The following TAFA5 variants were observed in gnomAD, a reference collection of about 807,000 sequenced individuals.
TAFA5 encodes the protein TAFA chemokine like family member 5.
A neutral mutation model predicts 15.3 loss-of-function variants in TAFA5; 6 were observed. The observed-to-expected ratio is 0.39, with a 90% CI of 0.21 to 0.77. The LOEUF is 0.77. Among genes scored for constraint, TAFA5 ranks in the 30% least tolerant of loss-of-function variants. The pLI is 0.41. For missense variants in TAFA5, 161 were observed against 193.1 expected (o/e 0.83, Z 0.98); for synonymous variants, 103 against 80.7 (o/e 1.28, Z -1.48).
chr22:48,606,563 T>C (rs770023108), intron 1 of TAFA5, among the ~76,000 whole-genome samples: 70 of 152,234 alleles, frequency 4.6e-4, no homozygotes, highest in Non-Finnish European at 8.4e-4. Flanking sequence ...GGTGGGATTA[T>C]CTGTGGAACT....
At chr22:48,612,534 A>C (rs73427966) in intron 1 of TAFA5, among the ~76,000 whole-genome samples, 13,703 of 151,636 alleles carry the variant, frequency 0.09, 2,094 homozygotes, top group African/African-American at 0.31. Flanking sequence ...CAGCCCTCCC[A>C]TCCAGTGGGC....
intron 1 of TAFA5, chr22:48,576,197 T>G: frequency 8.8e-6 from 2 of 225,998 alleles, no homozygotes; most frequent in East Asian, 1.2e-4. Flanking sequence ...GGCCGAGTGG[T>G]CGGAGCGGCG....
chr22:48,713,252 C>T (rs928413716), intron 3 of TAFA5, among the ~76,000 whole-genome samples: 1 of 152,160 alleles, frequency 6.6e-6, no homozygotes, highest in African/African-American at 2.4e-5. Flanking sequence ...GCCCATTTGC[C>T]CAACGTGAGA....
intron 1 of TAFA5, among the ~76,000 whole-genome samples, chr22:48,615,930 T>C (rs1287428198): frequency 6.6e-6 from 1 of 152,166 alleles, no homozygotes; most frequent in Non-Finnish European, 1.5e-5. Flanking sequence ...GGCTTTGCCC[T>C]AGTTTGTGCA....
At chr22:48,558,127 A>C (rs1467653057) in intron 1 of TAFA5, among the ~76,000 whole-genome samples, 3 of 152,106 alleles carry the variant, frequency 2.0e-5, no homozygotes, top group Admixed American at 2.0e-4. Flanking sequence ...CCAGATGGAG[A>C]GCAAGCCGGG....
chr22:48,643,731 A>G (rs1027600430), intron 1 of TAFA5, among the ~76,000 whole-genome samples: 3 of 152,162 alleles, frequency 2.0e-5, no homozygotes, highest in African/African-American at 7.2e-5. Context: ...GGCACCAGCT[A>G]CTGTAGGTGG....
intron 1 of TAFA5, among the ~76,000 whole-genome samples, chr22:48,514,609 G>A (rs917518717): frequency 5.9e-5 from 9 of 152,110 alleles, no homozygotes; most frequent in African/African-American, 1.4e-4. Context: ...CTTATAAGCC[G>A]GGCAGCATGG....
chr22:48,751,793 A>G lies in TAFA5; in HGVS notation c.*1946A>G, dbSNP rs1038179647. On this transcript the variant is annotated 3_prime_UTR_variant, in exon 4 of 4. Transcript: ENST00000402357. ...GCCTCCCCCTCGCCTGTTTCTTTTG[A>G]AAGCAAGTGTAGACACCTTCGAGGG... 5.2e-5 allele frequency: 8 copies of G among 152,468 alleles called. No individual in the cohort carries two copies. The highest frequency in any genetic ancestry group is 8.8e-5 in the Non-Finnish European group (6 of 68,030). The allele number at this position is 152,468 out of a possible 1,614,324, so 9.4% of individuals were successfully genotyped here.
intron 1 of TAFA5, among the ~76,000 whole-genome samples, chr22:48,507,588 C>G (rs939671299): frequency 6.6e-6 from 1 of 152,194 alleles, no homozygotes; most frequent in South Asian, 2.1e-4. Context: ...TCCGTGGCAT[C>G]CAGGGTTGTC....
chr22:48,542,581 TGC>T (rs1922477687), intron 1 of TAFA5, among the ~76,000 whole-genome samples: 3 of 114,418 alleles, frequency 2.6e-5, no homozygotes, highest in Admixed American at 9.3e-5. Flanking sequence ...GTGGTGTGTG[TGC>T]GGGTGTGTGG....
At chr22:48,695,357 T>A (rs1254109285) in intron 2 of TAFA5, among the ~76,000 whole-genome samples, 1 of 152,202 alleles carries the variant, frequency 6.6e-6, no homozygotes, top group Admixed American at 6.5e-5. Context: ...TGACGATATC[T>A]GAGTAAATGC....
intron 2 of TAFA5, among the ~76,000 whole-genome samples, chr22:48,704,221 C>T (rs999992523): frequency 3.4e-5 from 5 of 147,596 alleles, no homozygotes; most frequent in African/African-American, 5.1e-5. Flanking sequence ...CACACACACA[C>T]ACGATGCTTT....
chr22:48,511,974 G>A (rs913237812), intron 1 of TAFA5, among the ~76,000 whole-genome samples: 5 of 152,350 alleles, frequency 3.3e-5, no homozygotes, highest in East Asian at 1.9e-4. Flanking sequence ...GGCTGAGGCC[G>A]GTGGCCAAGG....
At chr22:48,699,568 C>G (rs1394690736) in intron 2 of TAFA5, among the ~76,000 whole-genome samples, 1 of 152,046 alleles carries the variant, frequency 6.6e-6, no homozygotes, top group African/African-American at 2.4e-5. Context: ...TACTTAAGGA[C>G]GTGTCGCATG....
intron 3 of TAFA5, among the ~76,000 whole-genome samples, chr22:48,716,997 G>A (rs1441129541): frequency 1.3e-5 from 2 of 152,148 alleles, no homozygotes; most frequent in Non-Finnish European, 2.9e-5. Context: ...AAATGAAGAA[G>A]AAATTATCAA....
chr22:48,671,855 A>G (rs1040652619), intron 2 of TAFA5, among the ~76,000 whole-genome samples: 1 of 152,140 alleles, frequency 6.6e-6, no homozygotes, highest in African/African-American at 2.4e-5. Flanking sequence ...AGGCAAAGAG[A>G]GAAGGTGCAT....
At chr22:48,647,680 C>A (rs1327676647) in intron 2 of TAFA5, among the ~76,000 whole-genome samples, 1 of 151,928 alleles carries the variant, frequency 6.6e-6, no homozygotes, top group African/African-American at 2.4e-5. Context: ...GGTAGGGAGA[C>A]CCCTCCCTGG....
chr22:48,575,944 C>T (rs1473885600), intron 1 of TAFA5, among the ~76,000 whole-genome samples: 5 of 137,836 alleles, frequency 3.6e-5, no homozygotes, highest in Non-Finnish European at 6.3e-5. Context: ...GCGGAGGAGG[C>T]GGCGGCGGCG....
At chr22:48,542,088 C>A (rs1290672790) in intron 1 of TAFA5, among the ~76,000 whole-genome samples, 1 of 129,152 alleles carries the variant, frequency 7.7e-6, no homozygotes, top group African/African-American at 2.9e-5. Flanking sequence ...TGTGTGTGTG[C>A]ATGTGTGATG....
Sources: allele counts gnomAD v4.1 joint callset (sites outside exome capture counted in the v4.1 genomes callset), GRCh38; gene constraint gnomAD v4.1.1; transcripts MANE v1.5; gene names NCBI Gene and HGNC (gene_info 2026-07-23, HGNC 2026-07-21).